CNR1: variants seen among roughly 807,000 people sequenced by gnomAD.
CNR1 encodes cannabinoid receptor 1 (brain).
Under a neutral mutation model 23.0 loss-of-function variants are expected in CNR1, and 10 were observed. The observed-to-expected ratio is 0.43, with a 90% CI of 0.27 to 0.74. The LOEUF is 0.74. Ranked by LOEUF, CNR1 falls within the 30% of genes least tolerant of loss-of-function variation. CNR1 has a pLI of 0.19. For synonymous variants in CNR1, 271 were observed against 255.2 expected, an observed-to-expected ratio of 1.06 and a Z score of -0.59; for missense variants, 422 against 618.8, an observed-to-expected ratio of 0.68 and a Z score of 3.37.
upstream of CNR1, among the ~76,000 whole-genome samples, chr6:88,166,581 C>CTCT (rs1489980850): frequency 1.3e-5 from 2 of 152,122 alleles, no homozygotes; most frequent in African/African-American, 4.8e-5. Flanking sequence ...CCTACTTCTC[C>CTCT]TCTTCCTCCT....
chr6:88,152,031 C>T (rs1029482368), intron 1 of CNR1, among the ~76,000 whole-genome samples: 7 of 151,848 alleles, frequency 4.6e-5, no homozygotes, highest in Middle Eastern at 3.2e-3. Context: ...TTTTATGTGA[C>T]GATTTCAGAA....
intron 1 of CNR1, among the ~76,000 whole-genome samples, chr6:88,161,282 A>G (rs1582376287): frequency 1.3e-5 from 2 of 152,232 alleles, no homozygotes; most frequent in South Asian, 4.1e-4. Flanking sequence ...AATACAATTC[A>G]TAGTATTCCC....
chr6:88,162,389 T>C (rs1778154286), intron 1 of CNR1, among the ~76,000 whole-genome samples: 1 of 152,254 alleles, frequency 6.6e-6, no homozygotes. Context: ...TATACTTTGA[T>C]ATTATACATA....
At position 88,144,560 on chromosome 6, in the gene CNR1, G is replaced by T. The variant is rs778127844; in HGVS notation, c.715C>A (p.Leu239Met). ...ATCACAATGGCTATGGTCCACATCAGGCAAAACGCCACCACGGCCTTGGGC... is the reference window on the plus strand; with the variant it reads ...ATCACAATGGCTATGGTCCACATCATGCAAAACGCCACCACGGCCTTGGGC... Reference protein sequence around the residue: ...TRPKAVVAFCLMWTIAIVIAV... With the variant: ...TRPKAVVAFCMMWTIAIVIAV... The change falls in exon 2 of 2, where the codon CTG becomes ATG. Residue 239 changes from leucine (L) to methionine (M), a missense_variant. By Grantham distance (15) the Leu-to-Met change is conservative (BLOSUM62 2). Coordinates refer to ENST00000369501, the MANE Select transcript of CNR1 (RefSeq NM_016083.6). This position sits in a 1 kb window ranked among gnomAD's most constrained non-coding sequence, Gnocchi z 7.8. 12 of 1,614,098 alleles carry T rather than the reference G, an allele frequency of 7.4e-6. No individual in the cohort carries two copies. The highest frequency in any genetic ancestry group is 1.6e-4 in the Middle Eastern group (1 of 6,084).
At chr6:88,165,584 G>A (rs1778327273) in intron 1 of CNR1, among the ~76,000 whole-genome samples, 1 of 152,166 alleles carries the variant, frequency 6.6e-6, no homozygotes, top group African/African-American at 2.4e-5. Context: ...ACAGAGCCAG[G>A]TGCACACACA....
chr6:88,144,329 T>C lies in CNR1; in HGVS notation c.946A>G (p.Ser316Gly). 1 of 1,613,408 alleles carries C rather than the reference T, an allele frequency of 6.2e-7. No individual in the cohort carries two copies. Among genetic ancestry groups the C allele is most frequent in the Non-Finnish European group, 8.5e-7 (1 of 1,180,006 alleles). Residue 316 changes from serine to glycine, a missense_variant, in exon 2 of 2, where the codon AGC (serine) becomes GGC (glycine). Around this residue, in one of 4 missense-constraint regions of CNR1, gnomAD observed 211 missense variants for 357.3 expected, o/e 0.59. Coordinates refer to ENST00000369501, the MANE Select transcript of CNR1 (RefSeq NM_016083.6). This position sits in a 1 kb window ranked among gnomAD's most constrained non-coding sequence, Gnocchi z 7.8. ...TCCTCAGACGTGTGGATGATGATGC[T>C]CTTCTGGGTGCCACGCTGAATCATG... ...VRMIQRGTQK[S>G]IIIHTSEDGK...
chr6:88,148,233 G>A (rs1777313170), intron 1 of CNR1, among the ~76,000 whole-genome samples: 1 of 152,106 alleles, frequency 6.6e-6, no homozygotes, highest in Non-Finnish European at 1.5e-5. Context: ...ATAGCTCCCT[G>A]CTTCCCATGG....
rs981287265 is a variant in CNR1 at position 88,142,098 on chromosome 6, T to C, written c.*1758A>G. On this transcript the variant is annotated 3_prime_UTR_variant, in exon 2 of 2. Coordinates refer to ENST00000369501, the MANE Select transcript of CNR1 (RefSeq NM_016083.6). ...CTGTGTTTATCTTCATGCTTGAGTG[T>C]ATCTTGCTAACCACGAGCAAAGGAG... The C allele has an allele frequency of 6.6e-6, 1 of 152,366 alleles. No homozygotes were observed. The highest frequency in any genetic ancestry group is 1.5e-5 in the Non-Finnish European group (1 of 68,032). 9.4% of individuals were successfully genotyped at this position (152,366 alleles called of 1,614,324 possible). A position where few individuals can be genotyped will look rare whatever the true frequency, so the allele number is the denominator to read the frequency against.
chr6:88,154,414 C>G (rs1269886219), intron 1 of CNR1, among the ~76,000 whole-genome samples: 1 of 152,180 alleles, frequency 6.6e-6, no homozygotes, highest in Non-Finnish European at 1.5e-5. Context: ...AACAAAGCCT[C>G]TTGAATTAAT....
At chr6:88,162,949 A>C (rs1415326227) in intron 1 of CNR1, 3 of 152,260 alleles carry the variant, frequency 2.0e-5, no homozygotes, top group Non-Finnish European at 4.4e-5. Flanking sequence ...TAGAAGAAAC[A>C]GACTTACACT....
intron 1 of CNR1, among the ~76,000 whole-genome samples, chr6:88,155,359 T>C (rs2127762814): frequency 6.6e-6 from 1 of 152,320 alleles, no homozygotes; most frequent in East Asian, 1.9e-4. Flanking sequence ...ATGCCAGTCA[T>C]GGAAAAAATA....
rs942370626 is a variant in CNR1, at chr6:88,141,167, A to G, written c.*2689T>C. 1 of 152,652 alleles carries G rather than the reference A, an allele frequency of 6.6e-6. No homozygotes were observed. Among genetic ancestry groups the G allele is most frequent in the South Asian group, 2.1e-4 (1 of 4,836 alleles). 9.5% of individuals were successfully genotyped at this position (152,652 alleles called of 1,614,324 possible). On this transcript the variant is annotated 3_prime_UTR_variant, in exon 2 of 2. Transcript: ENST00000369501. ...TGGGGTTAATTAATGAGTGATATTA[A>G]CAAATGGTAATTCTAATGAGTATAT...
At position 88,144,756 on chromosome 6, in the gene CNR1, G is replaced by A. The variant is rs1481974890; in HGVS notation, c.519C>T (p.Ser173=). The change falls in exon 2 of 2, where the codon AGC becomes AGT. Residue 173 remains serine, a synonymous_variant. Coordinates refer to ENST00000369501, the MANE Select transcript of CNR1 (RefSeq NM_016083.6). This position sits in a 1 kb window ranked among gnomAD's most constrained non-coding sequence, Gnocchi z 7.8. ...DLLGSVIFVY[S]FIDFHVFHRK... ...GGTGGAACACGTGGAAGTCAATGAA[G>A]CTGTAGACAAAAATGACACTCCCCA... 2 of 1,614,058 alleles carry A rather than the reference G, an allele frequency of 1.2e-6. No homozygotes were observed. The highest frequency in any genetic ancestry group is 2.7e-5 in the African/African-American group (2 of 74,940).
upstream of CNR1, among the ~76,000 whole-genome samples, chr6:88,166,711 G>T (rs1778384297): frequency 6.6e-6 from 1 of 152,158 alleles, no homozygotes; most frequent in Non-Finnish European, 1.5e-5. Context: ...CACGACCTCG[G>T]GGCCATTAAT....
rs960571329 is a variant in CNR1, at chr6:88,140,688, T to C, written c.*3168A>G. 9 of 152,332 alleles carry C rather than the reference T, an allele frequency of 5.9e-5. No homozygotes were observed. Among genetic ancestry groups the C allele is most frequent in the African/African-American group, 1.9e-4 (8 of 41,446 alleles). 9.4% of individuals were successfully genotyped at this position (152,332 alleles called of 1,614,324 possible). On this transcript the variant is annotated 3_prime_UTR_variant, in exon 2 of 2. Coordinates refer to ENST00000369501, the MANE Select transcript of CNR1 (RefSeq NM_016083.6). Reference sequence around the variant, plus strand: ...AAATTAATCAACAGGACAGTAACTATAGCGCTACTCATCCAGGGCCTAATT... The same window carrying C: ...AAATTAATCAACAGGACAGTAACTACAGCGCTACTCATCCAGGGCCTAATT...
intron 1 of CNR1, among the ~76,000 whole-genome samples, chr6:88,165,053 G>GT (rs767419283): frequency 6.6e-6 from 1 of 152,112 alleles, no homozygotes; most frequent in Non-Finnish European, 1.5e-5. Context: ...CATTTCTTTT[G>GT]TTTTTTTATC....
intron 1 of CNR1, among the ~76,000 whole-genome samples, chr6:88,154,079 A>G (rs980698591): frequency 1.3e-5 from 2 of 152,206 alleles, no homozygotes; most frequent in African/African-American, 4.8e-5. Context: ...AAATTCCATT[A>G]TATTGGTAAC....
Position 88,145,291 on chromosome 6 carries a change from T to C in CNR1, c.-17A>G. ...CGACTTCATAACCTCAGTCTTTGAT[T>C]AGGCTGAGCTCAAAATGACTGAGAA... On this transcript the variant is annotated 5_prime_UTR_variant, in exon 2 of 2. It removes the in-frame stop codon of an upstream open reading frame in the 5' UTR. Coordinates refer to ENST00000369501, the MANE Select transcript of CNR1 (RefSeq NM_016083.6). 6.3e-7 allele frequency: 1 copy of C among 1,583,824 alleles called. No individual in the cohort carries two copies. The highest frequency in any genetic ancestry group is 1.2e-5 in the South Asian group (1 of 86,578).
At position 88,143,696 on chromosome 6, in the gene CNR1, A is replaced by T; in HGVS notation, c.*160T>A. The T allele has an allele frequency of 1.6e-6, 1 of 637,518 alleles. No homozygotes were observed. The highest frequency in any genetic ancestry group is 2.8e-6 in the Non-Finnish European group (1 of 363,362). The allele number at this position is 637,518 out of a possible 1,614,324, so 39.5% of individuals were successfully genotyped here. A position where few individuals can be genotyped will look rare whatever the true frequency, so the allele number is the denominator to read the frequency against. ...AGAATGGAGTTTGAGTACCTAAACT[A>T]TGGAAACATTAGCAAACTGATAAGT... On this transcript the variant is annotated 3_prime_UTR_variant, in exon 2 of 2. Coordinates refer to ENST00000369501, the MANE Select transcript of CNR1 (RefSeq NM_016083.6).
Sources: allele counts gnomAD v4.1 joint callset (sites outside exome capture counted in the v4.1 genomes callset), GRCh38; gene constraint gnomAD v4.1.1; regional missense constraint gnomAD v4.1.1; non-coding constraint Gnocchi (gnomAD v3.1); transcripts MANE v1.5; gene names NCBI Gene and HGNC (gene_info 2026-07-23, HGNC 2026-07-21).